EPHB1: variants seen among roughly 807,000 people sequenced by gnomAD.
The protein encoded by EPHB1 is ephrin type-B receptor 1.
In EPHB1, 30 loss-of-function variants were observed where a neutral mutation model predicts 94.4. The ratio of observed to expected loss-of-function variants is 0.32; its 90% CI spans 0.24 to 0.43. The LOEUF (loss-of-function observed/expected upper bound fraction) is 0.43, where lower values mean the gene tolerates loss of function less well. EPHB1 is among the 20% of genes least tolerant of loss of function. The pLI is 1.00. For missense variants in EPHB1, 1,055 were observed against 1,308.3 expected (o/e 0.81, Z 2.99); for synonymous variants, 522 against 489.1 (o/e 1.07, Z -0.89).
intron 1 of EPHB1, among the ~76,000 whole-genome samples, chr3:134,920,734 C>T (rs1009370568): frequency 2.0e-5 from 3 of 152,168 alleles, no homozygotes; most frequent in African/African-American, 7.2e-5. Flanking sequence ...CCAATCCAGA[C>T]AGAAACAGAA....
chr3:135,122,520 C>T (rs1940012510), intron 4 of EPHB1, among the ~76,000 whole-genome samples: 1 of 152,134 alleles, frequency 6.6e-6, no homozygotes, highest in African/African-American at 2.4e-5. Context: ...ACCTTCTATC[C>T]ATCTCCCGCA....
chr3:135,080,297 GCAAGATTTCAGAAGGGAAAAAGTAGGGC>G (rs1938120108), intron 3 of EPHB1, among the ~76,000 whole-genome samples: 1 of 152,208 alleles, frequency 6.6e-6, no homozygotes, highest in African/African-American at 2.4e-5. Context: ...GTGCCCAAGG[GCAAGATTTCAGAAGGGAAAAAGTAGGGC>G]CAGAGAGAAG....
At chr3:134,978,001 G>A in intron 3 of EPHB1, 1 of 455,734 alleles carries the variant, frequency 2.2e-6, no homozygotes, top group Non-Finnish European at 4.4e-6. Flanking sequence ...TAGACAGCAG[G>A]ATTGACATTG....
At chr3:134,869,493 T>C (rs1266432574) in intron 1 of EPHB1, among the ~76,000 whole-genome samples, 1 of 152,132 alleles carries the variant, frequency 6.6e-6, no homozygotes, top group Non-Finnish European at 1.5e-5. Context: ...CGTGGGAGGG[T>C]TAAGTCTATG....
At chr3:135,064,608 G>A (rs1937557631) in intron 3 of EPHB1, among the ~76,000 whole-genome samples, 1 of 151,894 alleles carries the variant, frequency 6.6e-6, no homozygotes, top group African/African-American at 2.4e-5. Context: ...GGTTAATCTT[G>A]CTAATGGTCT....
intron 1 of EPHB1, among the ~76,000 whole-genome samples, chr3:134,917,613 C>G (rs2038601126): frequency 6.6e-6 from 1 of 152,334 alleles, no homozygotes; most frequent in South Asian, 2.1e-4. Flanking sequence ...GTGGGGAGGA[C>G]TGTGCTGATC....
intron 1 of EPHB1, among the ~76,000 whole-genome samples, chr3:134,837,050 C>A (rs2036684776): frequency 6.6e-6 from 1 of 152,328 alleles, no homozygotes; most frequent in African/African-American, 2.4e-5. Flanking sequence ...TCACTCTCAG[C>A]TTTGACACAT....
intron 3 of EPHB1, among the ~76,000 whole-genome samples, chr3:135,005,632 C>A (rs1416076095): frequency 6.6e-6 from 1 of 152,212 alleles, no homozygotes; most frequent in African/African-American, 2.4e-5. Context: ...TAGGACCCTC[C>A]GAGCCAGGTG....
At chr3:134,890,353 G>T (rs2037955131) in intron 1 of EPHB1, among the ~76,000 whole-genome samples, 1 of 152,170 alleles carries the variant, frequency 6.6e-6, no homozygotes, top group Admixed American at 6.5e-5. Flanking sequence ...GAGACAAGTT[G>T]CTCTAGTCCA....
intron 10 of EPHB1, among the ~76,000 whole-genome samples, chr3:135,190,892 T>G (rs930563015): frequency 6.6e-6 from 1 of 152,156 alleles, no homozygotes; most frequent in African/African-American, 2.4e-5. Flanking sequence ...CAAACAGGAA[T>G]GAGACTTGGT....
intron 10 of EPHB1, among the ~76,000 whole-genome samples, chr3:135,190,977 C>T (rs770708846): frequency 2.6e-5 from 4 of 152,058 alleles, no homozygotes; most frequent in Non-Finnish European, 5.9e-5. Context: ...TGCAGTGGTG[C>T]ACACCTGTGG....
intron 9 of EPHB1, among the ~76,000 whole-genome samples, chr3:135,169,643 A>T (rs1192965460): frequency 1.3e-5 from 2 of 152,176 alleles, no homozygotes; most frequent in African/African-American, 4.8e-5. Flanking sequence ...GAAGGCTCTG[A>T]TGGAGGGAGG....
At chr3:135,060,228 C>G (rs190567925) in intron 3 of EPHB1, among the ~76,000 whole-genome samples, 8 of 152,300 alleles carry the variant, frequency 5.3e-5, no homozygotes, top group Non-Finnish European at 5.9e-5. Context: ...CACTTTCTGT[C>G]CTTATGGATT....
intron 1 of EPHB1, among the ~76,000 whole-genome samples, chr3:134,863,842 T>C (rs552481624): frequency 1.4e-4 from 22 of 152,354 alleles, no homozygotes; most frequent in Middle Eastern, 3.4e-3. Flanking sequence ...CAGCTTCCTA[T>C]GCCGTAGACT....
intron 10 of EPHB1, among the ~76,000 whole-genome samples, chr3:135,182,034 G>A (rs1421787292): frequency 6.6e-6 from 1 of 152,188 alleles, no homozygotes; most frequent in Non-Finnish European, 1.5e-5. Context: ...GAATATCCCA[G>A]AGCGAATCCT....
At chr3:135,062,115 A>G (rs1937520525) in intron 3 of EPHB1, among the ~76,000 whole-genome samples, 2 of 152,210 alleles carry the variant, frequency 1.3e-5, no homozygotes, top group African/African-American at 4.8e-5. Context: ...GGCTGGTTCC[A>G]TATCTTTGCA....
intron 3 of EPHB1, among the ~76,000 whole-genome samples, chr3:135,048,266 T>TTC (rs1937068097): frequency 7.8e-6 from 1 of 128,670 alleles, no homozygotes; most frequent in South Asian, 2.7e-4. Flanking sequence ...TTTCTTTTTT[T>TTC]TTTTTTTTTT....
chr3:134,921,413 C>T (rs1436459924), intron 1 of EPHB1, among the ~76,000 whole-genome samples: 1 of 152,202 alleles, frequency 6.6e-6, no homozygotes, highest in African/African-American at 2.4e-5. Context: ...CTGTTCCCCG[C>T]ATACAGAAAA....
intron 5 of EPHB1, among the ~76,000 whole-genome samples, chr3:135,152,597 A>G (rs1293795056): frequency 6.6e-6 from 1 of 152,128 alleles, no homozygotes; most frequent in African/African-American, 2.4e-5. Flanking sequence ...GAGGGAAGGA[A>G]GGAGGATTGG....
Sources: gnomAD v4.1 joint callset for allele counts (sites outside exome capture counted in the v4.1 genomes callset) on GRCh38, gnomAD v4.1.1 for gene constraint, MANE v1.5 for transcripts, NCBI Gene and HGNC (gene_info 2026-07-23, HGNC 2026-07-21) for gene names.